The following GRIA1 variants were observed in gnomAD, a reference collection of about 807,000 sequenced individuals.
GRIA1 encodes glutamate ionotropic receptor AMPA type subunit 1, also known as glutamate receptor 1.
In GRIA1, 31 loss-of-function variants were observed where a neutral mutation model predicts 99.2. The observed-to-expected ratio is 0.31, with a 90% CI of 0.23 to 0.42. GRIA1 has a LOEUF of 0.42. Among genes scored for constraint, GRIA1 ranks in the 10% least tolerant of loss-of-function variants. The pLI is 1.00. For synonymous variants in GRIA1, 438 were observed against 432.4 expected (o/e 1.01, Z -0.16); for missense variants, 782 against 1,157.5 (o/e 0.68, Z 4.71).
intron 4 of GRIA1, among the ~76,000 whole-genome samples, chr5:153,653,815 T>C (rs1754746285): frequency 1.3e-5 from 2 of 152,186 alleles, no homozygotes; most frequent in African/African-American, 4.8e-5. Context: ...TAAATAAATG[T>C]TTGTTGAATG....
intron 13 of GRIA1, among the ~76,000 whole-genome samples, chr5:153,786,723 G>T (rs1326623702): frequency 2.0e-5 from 3 of 152,172 alleles, no homozygotes; most frequent in Non-Finnish European, 4.4e-5. Flanking sequence ...TTAAAGGAAA[G>T]GTCAATGAGA....
chr5:153,607,122 C>T (rs1472494461), intron 2 of GRIA1, among the ~76,000 whole-genome samples: 1 of 149,230 alleles, frequency 6.7e-6, no homozygotes, highest in African/African-American at 2.5e-5. Flanking sequence ...ATTGGTTTCA[C>T]ATTTTTGCAA....
At chr5:153,605,505 T>C (rs1178736515) in intron 2 of GRIA1, among the ~76,000 whole-genome samples, 1 of 152,232 alleles carries the variant, frequency 6.6e-6, no homozygotes, top group African/African-American at 2.4e-5. Context: ...TATTTTTTGT[T>C]GGATATAAAC....
chr5:153,647,426 G>A (rs2149454042), intron 3 of GRIA1, among the ~76,000 whole-genome samples: 1 of 152,244 alleles, frequency 6.6e-6, no homozygotes, highest in Non-Finnish European at 1.5e-5. Context: ...CAAACTCAAT[G>A]CAAAAGGACC....
At chr5:153,533,842 C>T (rs1463748) in intron 2 of GRIA1, among the ~76,000 whole-genome samples, 55,312 of 152,114 alleles carry the variant, frequency 0.36, 12,648 homozygotes, top group Non-Finnish European at 0.51. Flanking sequence ...TCATTTAATG[C>T]TCACAATAGT....
At chr5:153,748,211 G>A (rs184277605) in intron 11 of GRIA1, among the ~76,000 whole-genome samples, 160 of 152,314 alleles carry the variant, frequency 1.1e-3, no homozygotes, top group African/African-American at 3.6e-3. Context: ...GAAAAGATGG[G>A]TGATGGAGGT....
At chr5:153,718,077 T>C (rs1181050290) in intron 11 of GRIA1, among the ~76,000 whole-genome samples, 4 of 152,212 alleles carry the variant, frequency 2.6e-5, no homozygotes, top group Non-Finnish European at 5.9e-5. Context: ...ATGTTTTAAA[T>C]TGAGCACCAC....
intron 2 of GRIA1, chr5:153,557,754 G>A (rs752411887): frequency 1.3e-5 from 2 of 152,134 alleles, no homozygotes; most frequent in African/African-American, 2.4e-5. Flanking sequence ...GGCCTACACT[G>A]GGTCAGGATC....
intron 5 of GRIA1, among the ~76,000 whole-genome samples, chr5:153,656,387 A>T (rs1322291256): frequency 7.7e-5 from 11 of 143,532 alleles, no homozygotes; most frequent in Admixed American, 3.5e-4. Flanking sequence ...GTTTGTTTAT[A>T]TATATATATA....
chr5:153,778,883 C>G (rs1764453959), intron 13 of GRIA1, among the ~76,000 whole-genome samples: 1 of 152,120 alleles, frequency 6.6e-6, no homozygotes, highest in Non-Finnish European at 1.5e-5. Flanking sequence ...AGAGCCATAT[C>G]ACAGGTGGAT....
At chr5:153,779,326 A>G (rs368278066) in intron 13 of GRIA1, among the ~76,000 whole-genome samples, 23 of 152,306 alleles carry the variant, frequency 1.5e-4, no homozygotes, top group African/African-American at 5.5e-4. Context: ...CATTCTTTCC[A>G]CAGCCCACCT....
intron 5 of GRIA1, among the ~76,000 whole-genome samples, chr5:153,662,132 T>G (rs1403618135): frequency 6.6e-6 from 1 of 152,212 alleles, no homozygotes; most frequent in Non-Finnish European, 1.5e-5. Context: ...TTTGAGTATT[T>G]GAAAATGGCT....
Position 153,764,464 on chromosome 5 carries a change from C to T in GRIA1, c.1854C>T (p.Val618=), listed in dbSNP as rs1472242489. Residue 618 remains valine, a synonymous_variant, in exon 12 of 16, where the codon GTC becomes GTT. Coordinates refer to ENST00000285900, the MANE Select transcript of GRIA1 (RefSeq NM_000827.4). ...TGTCTGGTCGCATCGTTGGTGGCGT[C>T]TGGTGGTTCTTCACCTTAATCATCA... The part of the protein sequence containing the change: ...RSLSGRIVGG[V]WWFFTLIIIS... 1 of 1,613,946 alleles carries T rather than the reference C, an allele frequency of 6.2e-7. No homozygotes were observed.
intron 15 of GRIA1, among the ~76,000 whole-genome samples, chr5:153,804,940 TG>T (rs1408285908): frequency 6.6e-6 from 1 of 151,954 alleles, no homozygotes; most frequent in Non-Finnish European, 1.5e-5. Flanking sequence ...TTAGCACAGA[TG>T]GGGTTTCACC....
At chr5:153,691,658 C>T (rs919399099) in intron 8 of GRIA1, among the ~76,000 whole-genome samples, 12 of 152,144 alleles carry the variant, frequency 7.9e-5, no homozygotes, top group African/African-American at 2.9e-4. Context: ...TCCTTGTTAC[C>T]CAATTTTGAC....
At chr5:153,565,817 A>G (rs951299149) in intron 2 of GRIA1, among the ~76,000 whole-genome samples, 12 of 149,620 alleles carry the variant, frequency 8.0e-5, no homozygotes, top group Non-Finnish European at 1.6e-4. Context: ...ATGAAATATT[A>G]TAGGACTATA....
At chr5:153,553,857 G>A (rs1435064819) in intron 2 of GRIA1, among the ~76,000 whole-genome samples, 2 of 152,058 alleles carry the variant, frequency 1.3e-5, no homozygotes, top group East Asian at 3.9e-4. Context: ...TTTAATAATC[G>A]CCTATCATCT....
chr5:153,758,595 C>T (rs540249419), intron 11 of GRIA1, among the ~76,000 whole-genome samples: 29 of 151,884 alleles, frequency 1.9e-4, no homozygotes, highest in African/African-American at 5.8e-4. Flanking sequence ...GAGAACTATA[C>T]TCTGCAATAA....
intron 14 of GRIA1, among the ~76,000 whole-genome samples, chr5:153,800,024 G>A (rs1447801166): frequency 6.6e-6 from 1 of 152,162 alleles, no homozygotes; most frequent in South Asian, 2.1e-4. Context: ...TCACTCCCTT[G>A]TCCTTGGAGG....
Sources: gnomAD v4.1 joint callset for allele counts (sites outside exome capture counted in the v4.1 genomes callset) on GRCh38, gnomAD v4.1.1 for gene constraint, MANE v1.5 for transcripts, NCBI Gene and HGNC (gene_info 2026-07-23, HGNC 2026-07-21) for gene names.